TYW1B: variants seen among roughly 807,000 people sequenced by gnomAD.
TYW1B encodes the protein S-adenosyl-L-methionine-dependent tRNA 4-demethylwyosine synthase TYW1B.
Under a neutral mutation model 86.9 loss-of-function variants are expected in TYW1B, and 73 were observed. The ratio of observed to expected loss-of-function variants is 0.84; its 90% CI spans 0.70 to 1.02. TYW1B has a LOEUF of 1.02. Among genes scored for constraint, TYW1B ranks in the 50% least tolerant of loss-of-function variants. The pLI is 0.00. For synonymous variants in TYW1B, 248 were observed against 292.8 expected, an observed-to-expected ratio of 0.85 and a Z score of 1.56; for missense variants, 637 against 827.4, an observed-to-expected ratio of 0.77 and a Z score of 2.82.
At chr7:72,806,140 C>T (rs1344983588) in intron 5 of TYW1B, among the ~76,000 whole-genome samples, 1 of 151,934 alleles carries the variant, frequency 6.6e-6, no homozygotes, top group South Asian at 2.1e-4. Flanking sequence ...TTTAACTTCT[C>T]TGTGGCTCCG....
chr7:72,676,737 T>C (rs560960785), intron 11 of TYW1B, among the ~76,000 whole-genome samples: 93 of 151,934 alleles, frequency 6.1e-4, no homozygotes, highest in African/African-American at 1.2e-3. Context: ...AGGCGGTGGA[T>C]TGCTTGAGGC....
chr7:72,707,857 G>A (rs1554453952), intron 10 of TYW1B, among the ~76,000 whole-genome samples: 3 of 152,182 alleles, frequency 2.0e-5, no homozygotes, highest in African/African-American at 7.2e-5. Context: ...CTGGGTGATG[G>A]GGACTTCCCC....
intron 2 of TYW1B, among the ~76,000 whole-genome samples, chr7:72,821,779 GTTGTCA>G (rs1253096237): frequency 6.6e-6 from 1 of 152,154 alleles, no homozygotes; most frequent in Non-Finnish European, 1.5e-5. Context: ...GAAGGATAAA[GTTGTCA>G]TTTACTGAAA....
At chr7:72,692,911 A>G (rs1235657708) in intron 11 of TYW1B, among the ~76,000 whole-genome samples, 4 of 152,276 alleles carry the variant, frequency 2.6e-5, no homozygotes, top group Non-Finnish European at 5.9e-5. Flanking sequence ...GTGAAAAATG[A>G]GCCAGGAAAT....
intron 3 of TYW1B, among the ~76,000 whole-genome samples, chr7:72,812,177 C>A (rs1788634184): frequency 6.6e-6 from 1 of 150,396 alleles, no homozygotes; most frequent in Non-Finnish European, 1.5e-5. Context: ...TAATGATGTA[C>A]CTTGGGGATG....
intron 10 of TYW1B, among the ~76,000 whole-genome samples, chr7:72,698,597 G>C (rs1293055540): frequency 6.8e-6 from 1 of 147,728 alleles, no homozygotes; most frequent in African/African-American, 2.5e-5. Context: ...AGTGAGCCGA[G>C]ATCACGCCAC....
chr7:72,827,836 A>C (rs1554481723), intron 1 of TYW1B, among the ~76,000 whole-genome samples: 1 of 152,154 alleles, frequency 6.6e-6, no homozygotes, highest in African/African-American at 2.4e-5. Context: ...GTCCTAATAC[A>C]CGTGGGTAAA....
At chr7:72,685,734 A>G (rs1486896741) in intron 11 of TYW1B, among the ~76,000 whole-genome samples, 1 of 152,224 alleles carries the variant, frequency 6.6e-6, no homozygotes. Context: ...GAAAGTCTAG[A>G]TGACCCTGGA....
intron 9 of TYW1B, among the ~76,000 whole-genome samples, chr7:72,725,825 C>T (rs1213770330): frequency 6.6e-6 from 1 of 152,104 alleles, no homozygotes; most frequent in African/African-American, 2.4e-5. Flanking sequence ...CATTAGCCAA[C>T]TCCTAAAAAT....
chr7:72,586,877 C>A (rs191975633), intron 13 of TYW1B, among the ~76,000 whole-genome samples: 31 of 152,146 alleles, frequency 2.0e-4, no homozygotes, highest in African/African-American at 7.2e-4. Context: ...AAGGTCAGCC[C>A]TTTGTTTGGG....
At chr7:72,721,637 C>T (rs531145920) in intron 9 of TYW1B, among the ~76,000 whole-genome samples, 21 of 152,094 alleles carry the variant, frequency 1.4e-4, no homozygotes, top group East Asian at 1.3e-3. Flanking sequence ...CACACACACA[C>T]GCACACACAC....
chr7:72,773,553 C>T (rs1309713451), intron 7 of TYW1B, among the ~76,000 whole-genome samples: 7 of 152,184 alleles, frequency 4.6e-5, no homozygotes, highest in Admixed American at 2.0e-4. Flanking sequence ...CCTGGGGAGA[C>T]AAAGGTGGCT....
chr7:72,756,201 TTTTTATTTTA>T (rs66806955), intron 7 of TYW1B, among the ~76,000 whole-genome samples: 107 of 138,862 alleles, frequency 7.7e-4, no homozygotes, highest in East Asian at 4.5e-3. Context: ...GTTTATTATT[TTTTTATTTTA>T]TTTTATTTTA....
At chr7:72,784,558 C>T (rs565737727) in intron 6 of TYW1B, among the ~76,000 whole-genome samples, 2 of 152,154 alleles carry the variant, frequency 1.3e-5, no homozygotes, top group Admixed American at 6.6e-5. Context: ...AGTACAGAGG[C>T]GCAATCTCGG....
Position 72,575,079 on chromosome 7 carries a change from G to A in TYW1B, c.*419C>T. The A allele has an allele frequency of 1.9e-6, 2 of 1,031,774 alleles. No individual in the cohort carries two copies. The highest frequency in any genetic ancestry group is 2.3e-6 in the Non-Finnish European group (2 of 858,434). The allele number at this position is 1,031,774 out of a possible 1,614,324, so 63.9% of individuals were successfully genotyped here. The stretch of plus-strand genomic sequence containing the variant: ...ACAGACACGTTTAGCTCAGGGTAGT[G>A]CAATTCAATGCTAAGTGGCTGCTCC... On this transcript the variant is annotated 3_prime_UTR_variant, in exon 14 of 14. Transcript: ENST00000620995.
chr7:72,663,270 C>T (rs1449639189), intron 11 of TYW1B, among the ~76,000 whole-genome samples: 1 of 152,108 alleles, frequency 6.6e-6, no homozygotes, highest in African/African-American at 2.4e-5. Context: ...AATCCCAAAC[C>T]ACTTTTGATA....
chr7:72,608,283 A>G (rs1811850447), intron 13 of TYW1B, among the ~76,000 whole-genome samples: 2 of 152,084 alleles, frequency 1.3e-5, no homozygotes, highest in Non-Finnish European at 1.5e-5. Flanking sequence ...AATACAATAA[A>G]CTCTTCTTCT....
chr7:72,586,032 T>G (rs1211349823), intron 13 of TYW1B, among the ~76,000 whole-genome samples: 1 of 152,084 alleles, frequency 6.6e-6, no homozygotes, highest in Non-Finnish European at 1.5e-5. Flanking sequence ...CAAGACCACC[T>G]CCAGATTTAA....
rs1162004073 is a variant in TYW1B, at chr7:72,785,455, A to G, written c.847-7922T>C. Among the ~76,000 whole-genome samples the G allele has an allele frequency of 3.4e-5, 5 of 147,920 alleles. No homozygotes were observed. In the Admixed American group the frequency reaches 3.4e-4, roughly 10 times the overall value. On this transcript the variant is annotated intron_variant, in intron 6 of 13. Transcript: ENST00000620995. ...AATATAATTAGAATTAGAATATACTATTATTTTATAAAAAATATATTAACT... is the reference window on the plus strand; with the variant it reads ...AATATAATTAGAATTAGAATATACTGTTATTTTATAAAAAATATATTAACT...
Sources: allele counts gnomAD v4.1 joint callset (sites outside exome capture counted in the v4.1 genomes callset), GRCh38; gene constraint gnomAD v4.1.1; transcripts MANE v1.5; gene names NCBI Gene and HGNC (gene_info 2026-07-23, HGNC 2026-07-21).